PYHIN1: variants seen among roughly 807,000 people sequenced by gnomAD.
PYHIN1 encodes pyrin and HIN domain family member 1.
In PYHIN1, 32 loss-of-function variants were observed where a neutral mutation model predicts 43.7. The ratio of observed to expected loss-of-function variants is 0.73; its 90% CI spans 0.55 to 0.98. PYHIN1 has a LOEUF of 0.98. PYHIN1 is among the 50% of genes least tolerant of loss of function. The probability of loss-of-function intolerance (pLI) is 0.00; values close to 1 mark genes in which losing one functional copy is unlikely to be tolerated. For missense variants in PYHIN1, 588 were observed against 589.5 expected (o/e 1.00, Z 0.03); for synonymous variants, 205 against 203.1 (o/e 1.01, Z -0.08).
downstream of PYHIN1, among the ~76,000 whole-genome samples, chr1:158,979,487 C>A (rs1257323632): frequency 6.6e-6 from 1 of 150,616 alleles, no homozygotes; most frequent in East Asian, 1.9e-4. Context: ...TTCATTCATG[C>A]TGTAACTATT....
chr1:158,940,274 A>C (rs1274002222), intron 4 of PYHIN1: 1 of 151,886 alleles, frequency 6.6e-6, no homozygotes, highest in Non-Finnish European at 1.5e-5. Flanking sequence ...ATATTCTAAG[A>C]TATGAACCAC....
intron 7 of PYHIN1, among the ~76,000 whole-genome samples, chr1:158,954,686 G>A (rs1292356338): frequency 6.8e-6 from 1 of 148,008 alleles, no homozygotes; most frequent in African/African-American, 2.5e-5. Flanking sequence ...GGAAGAAACT[G>A]CATCAACTAA....
chr1:158,937,214 C>T, intron 2 of PYHIN1, 39 bp downstream of exon 2: 1 of 1,521,580 alleles, frequency 6.6e-7, no homozygotes, highest in Non-Finnish European at 8.8e-7. Flanking sequence ...CTGCAATGAT[C>T]CCCACCCTTC....
chr1:158,945,825 G>A (rs1339417555), intron 7 of PYHIN1, among the ~76,000 whole-genome samples: 1 of 152,156 alleles, frequency 6.6e-6, no homozygotes, highest in African/African-American at 2.4e-5. Context: ...TAGGTGTTTG[G>A]TCTTACATGT....
downstream of PYHIN1, among the ~76,000 whole-genome samples, chr1:158,981,490 T>C (rs1053536966): frequency 3.9e-5 from 6 of 152,064 alleles, no homozygotes; most frequent in African/African-American, 9.7e-5. Flanking sequence ...AAGAAATAAA[T>C]AAACAAACAA....
rs1648178077 is a variant in PYHIN1 at position 158,931,778 on chromosome 1, T to G, written c.-21+2T>G. On this transcript the variant is annotated splice_donor_variant, in intron 1 of 8. Coordinates refer to ENST00000368140, the MANE Select transcript of PYHIN1 (RefSeq NM_152501.5). LOFTEE classifies it low-confidence loss of function (5UTR_SPLICE). The stretch of plus-strand genomic sequence containing the variant: ...ACTGTTGAAGAAATTCCCAGTAAGG[T>G]GAGTACTGTGGGTATTTTTTATAGA... The G allele has an allele frequency of 6.6e-6, 1 of 152,106 alleles. No individual in the cohort carries two copies. Among genetic ancestry groups the G allele is most frequent in the African/African-American group, 2.4e-5 (1 of 41,402 alleles). 9.4% of individuals were successfully genotyped at this position (152,106 alleles called of 1,614,324 possible).
chr1:158,960,582 C>T (rs1296081787), intron 7 of PYHIN1, among the ~76,000 whole-genome samples: 2 of 152,192 alleles, frequency 1.3e-5, no homozygotes, highest in South Asian at 2.1e-4. Flanking sequence ...TTATGGCTCA[C>T]TAGGTGAGCA....
chr1:158,976,598 G>C (rs1298287877), intron 8 of PYHIN1, 103 bp from the exon 9 acceptor site: 3 of 788,638 alleles, frequency 3.8e-6, no homozygotes, highest in Non-Finnish European at 6.3e-6. Context: ...GGAAATAGAA[G>C]AAGAGATGTG....
downstream of PYHIN1, among the ~76,000 whole-genome samples, chr1:158,979,852 A>G (rs879296485): frequency 4.6e-5 from 7 of 152,134 alleles, no homozygotes; most frequent in African/African-American, 1.2e-4. Context: ...ACAGTACCTG[A>G]TAGGTAGTTT....
chr1:158,988,338 G>A, the PYHIN1 span, among the ~76,000 whole-genome samples: 1 of 152,172 alleles, frequency 6.6e-6, no homozygotes, highest in African/African-American at 2.4e-5. Flanking sequence ...CTGGAAGAAT[G>A]AGGTGTGTAA....
At chr1:158,978,774 G>C (rs1651389430), downstream of PYHIN1, among the ~76,000 whole-genome samples, 2 of 152,094 alleles carry the variant, frequency 1.3e-5, no homozygotes, top group Non-Finnish European at 2.9e-5. Context: ...GAAAGAATTA[G>C]CCTGTTCACT....
At chr1:158,988,687 A>G in the PYHIN1 span, among the ~76,000 whole-genome samples, 1 of 152,258 alleles carries the variant, frequency 6.6e-6, no homozygotes, top group African/African-American at 2.4e-5. Flanking sequence ...AGCTGAGGAA[A>G]CTTCTAAGCA....
intron 7 of PYHIN1, among the ~76,000 whole-genome samples, chr1:158,953,428 AG>A (rs989027463): frequency 6.6e-6 from 1 of 150,786 alleles, no homozygotes; most frequent in African/African-American, 2.4e-5. Flanking sequence ...TGCCTCCTCA[AG>A]GGGGTCCCTG....
At chr1:158,957,268 T>C (rs1429503856) in intron 7 of PYHIN1, among the ~76,000 whole-genome samples, 1 of 150,330 alleles carries the variant, frequency 6.7e-6, no homozygotes, top group Non-Finnish European at 1.5e-5. Context: ...AAAGTTCATA[T>C]GGAACCAAAA....
chr1:158,978,433 G>A (rs1651370974), downstream of PYHIN1, among the ~76,000 whole-genome samples: 1 of 152,046 alleles, frequency 6.6e-6, no homozygotes, highest in African/African-American at 2.4e-5. Flanking sequence ...CATTCAGCTA[G>A]TTAGGAAACA....
At chr1:158,966,378 G>A (rs1359262485) in intron 7 of PYHIN1, among the ~76,000 whole-genome samples, 3 of 152,006 alleles carry the variant, frequency 2.0e-5, no homozygotes, top group Non-Finnish European at 4.4e-5. Flanking sequence ...CATTCTATGA[G>A]GCCAGCATCA....
In PYHIN1 at chr1:158,942,392, T is replaced by C. The variant is rs1557827118; in HGVS notation, c.995T>C (p.Leu332Pro). ...TATATTGTATATGGATTATTTATGC[T>C]ACATACGGTAAGGCATCAAAGCTAT... is the stretch of plus-strand genomic sequence containing the variant. The part of the protein sequence containing the change: ...SGYIVYGLFM[L>P]HTKIVNRKTT... Residue 332 changes from leucine (L) to proline (P), a missense_variant, in exon 5 of 9, where the codon CTA becomes CCA. Coordinates refer to ENST00000368140, the MANE Select transcript of PYHIN1 (RefSeq NM_152501.5). 1.3e-6 allele frequency: 2 copies of C among 1,580,714 alleles called. No individual in the cohort carries two copies. Among genetic ancestry groups the C allele is most frequent in the Non-Finnish European group, 1.7e-6 (2 of 1,166,276 alleles).
intron 8 of PYHIN1, among the ~76,000 whole-genome samples, chr1:158,976,296 A>C (rs1633298): frequency 0.92 from 139,573 of 152,108 alleles, 65,257 homozygotes; most frequent in East Asian, 1. Flanking sequence ...TCTCAGGGCC[A>C]TTAGTCAAAA....
At chr1:158,969,789 T>A (rs1220234636) in intron 7 of PYHIN1, among the ~76,000 whole-genome samples, 1 of 151,994 alleles carries the variant, frequency 6.6e-6, no homozygotes, top group Non-Finnish European at 1.5e-5. Context: ...GTTTCTAAGT[T>A]CTTTTGTCTA....
Sources: allele counts gnomAD v4.1 joint callset (sites outside exome capture counted in the v4.1 genomes callset), GRCh38; gene constraint gnomAD v4.1.1; transcripts MANE v1.5; gene names NCBI Gene and HGNC (gene_info 2026-07-23, HGNC 2026-07-21).